MYO18A: variants seen among roughly 807,000 people sequenced by gnomAD.
The protein encoded by MYO18A is myosin XVIIIA, also known as unconventional myosin-XVIIIa.
A neutral mutation model predicts 235.8 loss-of-function variants in MYO18A; 78 were observed. That is an observed-to-expected ratio of 0.33 (90% CI 0.28 to 0.40). MYO18A has a LOEUF of 0.40. Among genes scored for constraint, MYO18A ranks in the 10% least tolerant of loss-of-function variants. MYO18A has a pLI of 1.00. For missense variants in MYO18A, 2,215 were observed against 2,699.3 expected, an observed-to-expected ratio of 0.82 and a Z score of 3.98; for synonymous variants, 977 against 1,077.8, an observed-to-expected ratio of 0.91 and a Z score of 1.83.
chr17:29,106,965 G>A lies in MYO18A; in HGVS notation c.3441+115C>T, dbSNP rs2066802358. 1 of 1,014,248 alleles carries A rather than the reference G, an allele frequency of 9.9e-7. No individual in the cohort carries two copies. The highest frequency in any genetic ancestry group is 2.5e-5 in the East Asian group (1 of 39,416). 62.8% of individuals were successfully genotyped at this position (1,014,248 alleles called of 1,614,324 possible). A position where few individuals can be genotyped will look rare whatever the true frequency, so the allele number is the denominator to read the frequency against. ...CAGCTGGGTGCTTCCAAAACTGGGA[G>A]CCTGAGCAGGGCCAGATGAGCTGTC... On this transcript the variant is annotated intron_variant, in intron 20 of 41. Transcript: ENST00000527372. The surrounding 1 kb of genome is among the most constrained non-coding windows in gnomAD (Gnocchi z 4.6).
chr17:29,109,188 G>T lies in MYO18A; in HGVS notation c.3331+670C>A, dbSNP rs1331584124. 3.3e-5 allele frequency among the ~76,000 whole-genome samples: 5 copies of T among 151,756 alleles called. No individual in the cohort carries two copies. The highest frequency in any genetic ancestry group is 9.7e-5 in the African/African-American group (4 of 41,308). ...AAAACAAAAAAAACCCACCCTACTT[G>T]AGAGACATGAGACATGACTCTACAG... On this transcript the variant is annotated intron_variant, in intron 19 of 41. Transcript: ENST00000527372. This position sits in a 1 kb window ranked among gnomAD's most constrained non-coding sequence, Gnocchi z 4.1.
At chr17:29,164,655 C>G (rs1405241931) in intron 2 of MYO18A, among the ~76,000 whole-genome samples, 1 of 152,198 alleles carries the variant, frequency 6.6e-6, no homozygotes, top group Non-Finnish European at 1.5e-5. Flanking sequence ...CTGGACGGTC[C>G]TAAAACCCAC....
intron 1 of MYO18A, among the ~76,000 whole-genome samples, chr17:29,173,098 C>CT (rs71135873): frequency 0.52 from 76,869 of 146,424 alleles, 20,359 homozygotes; most frequent in East Asian, 0.86. Context: ...TTTGCCGTTA[C>CT]TTTTTTTTTT....
intron 34 of MYO18A, 100 bp downstream of exon 34, chr17:29,092,243 C>T: frequency 2.4e-6 from 2 of 826,474 alleles, no homozygotes; most frequent in South Asian, 1.6e-5. Flanking sequence ...TGTCACAAGT[C>T]CTGACGTGGA....
In MYO18A at chr17:29,073,906, GAGC is replaced by G. The variant is rs752146566; in HGVS notation, c.*861_*863del. On this transcript the variant is annotated 3_prime_UTR_variant, in exon 42 of 42. Transcript: ENST00000527372. ...GTTTATGGTCCAGACCACCTGGACAGAGCAGGAGGGAGGCAGTGCTTGGATCAG... is the reference window on the plus strand; with the variant it reads ...GTTTATGGTCCAGACCACCTGGACAGAGGAGGGAGGCAGTGCTTGGATCAG... The G allele has an allele frequency of 6.8e-5, 110 of 1,613,574 alleles. No individual in the cohort carries two copies. Among genetic ancestry groups the G allele is most frequent in the Non-Finnish European group, 9.1e-5 (107 of 1,179,600 alleles).
At chr17:29,176,030 C>T (rs1232960863) in intron 1 of MYO18A, among the ~76,000 whole-genome samples, 1 of 152,130 alleles carries the variant, frequency 6.6e-6, no homozygotes. Context: ...TGCACTCCAG[C>T]CTGGGTGACA....
In MYO18A at chr17:29,121,221, G is replaced by A. The variant is rs2067191705; in HGVS notation, c.1372-10C>T. On this transcript the variant is annotated splice_polypyrimidine_tract_variant and intron_variant, in intron 5 of 41. Transcript: ENST00000527372. The surrounding 1 kb of genome is among the most constrained non-coding windows in gnomAD (Gnocchi z 4.2). ...TGAACATGTGCATCACCTTGGGCAG[G>A]AGAGCAAGGGAGAGAAGGGGTTGGC... is the stretch of plus-strand genomic sequence containing the variant. The A allele has an allele frequency of 6.3e-7, 1 of 1,591,790 alleles. No homozygotes were observed. The highest frequency in any genetic ancestry group is 1.3e-5 in the African/African-American group (1 of 74,516).
chr17:29,095,602 C>G (rs2066501034), intron 28 of MYO18A, among the ~76,000 whole-genome samples: 1 of 152,244 alleles, frequency 6.6e-6, no homozygotes, highest in South Asian at 2.1e-4. Context: ...GGCATTCCCA[C>G]TGTGCCCAGC....
rs1358014069 is a variant in MYO18A, at chr17:29,130,520, ACACACAC to A, written c.1000-8274_1000-8268del. ...CACACACACACACACACACACACAC[ACACACAC>A]AACCCTTTCAAATCACAGGCTGGCT... On this transcript the variant is annotated intron_variant, in intron 2 of 41. Coordinates refer to ENST00000527372, the MANE Select transcript of MYO18A (RefSeq NM_078471.4). 8.8e-5 allele frequency among the ~76,000 whole-genome samples: 11 copies of A among 124,386 alleles called. No individual in the cohort carries two copies. In the East Asian group the frequency reaches 1.5e-3, roughly 17 times the overall value. 81.6% of individuals were successfully genotyped at this position (124,386 alleles called of 152,430 possible).
chr17:29,093,316 C>T lies in MYO18A; in HGVS notation c.4926+7G>A, dbSNP rs763567682. ...GGCCAGGCTTGGTGGGTGGAGCATC[C>T]CCTGACCTGGTCGCTGAGGGTGGCG... On this transcript the variant is annotated splice_region_variant and intron_variant, in intron 32 of 41. Coordinates refer to ENST00000527372, the MANE Select transcript of MYO18A (RefSeq NM_078471.4). The T allele has an allele frequency of 1.1e-5, 18 of 1,608,310 alleles. No homozygotes were observed. In the African/African-American group the frequency reaches 1.3e-4, roughly 12 times the overall value.
In MYO18A at chr17:29,122,233, A is replaced by G; in HGVS notation, c.1020T>C (p.Ile340=). The G allele has an allele frequency of 6.2e-7, 1 of 1,613,262 alleles. No homozygotes were observed. Among genetic ancestry groups the G allele is most frequent in the South Asian group, 1.1e-5 (1 of 90,824 alleles). The change falls in exon 3 of 42, where the codon ATT becomes ATC. Residue 340 remains isoleucine (I), a synonymous_variant. Coordinates refer to ENST00000527372, the MANE Select transcript of MYO18A (RefSeq NM_078471.4). ...EPSDAKTEEQ[I]AAEEAWNETE... ...TCTCATTCCAGGCCTCTTCTGCTGC[A>G]ATCTGTTCTTCTGTTTTCGCCTGTC...
At chr17:29,163,076 T>C (rs571453746) in intron 2 of MYO18A, among the ~76,000 whole-genome samples, 36 of 152,342 alleles carry the variant, frequency 2.4e-4, no homozygotes, top group African/African-American at 7.9e-4. Flanking sequence ...GTGGACACAG[T>C]TGATGGATGG....
intron 2 of MYO18A, among the ~76,000 whole-genome samples, chr17:29,128,801 T>C (rs1300548022): frequency 1.3e-5 from 2 of 152,336 alleles, no homozygotes; most frequent in African/African-American, 4.8e-5. Flanking sequence ...ACCTGCTGTC[T>C]ATCCCCAGAC....
In MYO18A at chr17:29,097,606, G is replaced by C. The variant is rs187546211; in HGVS notation, c.4102+182C>G. On this transcript the variant is annotated intron_variant, in intron 26 of 41. Coordinates refer to ENST00000527372, the MANE Select transcript of MYO18A (RefSeq NM_078471.4). ...GGCCCTCAGTCTTTGTCATGATCAT[G>C]GTTGTTTCAGCTCTACCTAACAATC... 1.8e-3 allele frequency among the ~76,000 whole-genome samples: 277 copies of C among 152,352 alleles called. 1 individual carries two copies. Among genetic ancestry groups the C allele is most frequent in the African/African-American group, 5.9e-3 (246 of 41,584 alleles).
rs2066861062 is a variant in MYO18A, at chr17:29,108,945, C to T, written c.3331+913G>A. Reference sequence around the variant, plus strand: ...AATCTGGTTTTGAAATAATAAACACCAACTCCATATCAAGACGTGGGGACA... The same window carrying T: ...AATCTGGTTTTGAAATAATAAACACTAACTCCATATCAAGACGTGGGGACA... On this transcript the variant is annotated intron_variant, in intron 19 of 41. Transcript: ENST00000527372. 2.6e-5 allele frequency among the ~76,000 whole-genome samples: 4 copies of T among 152,102 alleles called. No homozygotes were observed. In the South Asian group the frequency reaches 8.3e-4, roughly 32 times the overall value.
At chr17:29,147,509 G>C (rs1336527037) in intron 2 of MYO18A, among the ~76,000 whole-genome samples, 2 of 149,994 alleles carry the variant, frequency 1.3e-5, no homozygotes, top group African/African-American at 4.9e-5. Context: ...GACAGAGTGA[G>C]AGACCCTGCC....
chr17:29,165,969 G>A lies in MYO18A; in HGVS notation c.972C>T (p.Gly324=). Residue 324 remains glycine (G), a synonymous_variant, in exon 2 of 42, where the codon GGC becomes GGT. Transcript: ENST00000527372. ...CGGATGGCTCCCTGCGAGGTCCCTCGCCGCTCCGCAGCCAGCTCCTGCTGA... is the reference window on the plus strand; with the variant it reads ...CGGATGGCTCCCTGCGAGGTCCCTCACCGCTCCGCAGCCAGCTCCTGCTGA... ...SELSRSWLRS[G]EGPRREPSDA... 3 of 1,613,228 alleles carry A rather than the reference G, an allele frequency of 1.9e-6. No homozygotes were observed. The highest frequency in any genetic ancestry group is 1.1e-5 in the South Asian group (1 of 91,070).
At chr17:29,114,821 T>TGATGCCTTCTGCATCCACA in intron 14 of MYO18A, 86 bp downstream of exon 14, 1 of 1,368,960 alleles carries the variant, frequency 7.3e-7, no homozygotes, top group South Asian at 1.4e-5. Context: ...GAGAGTAAGG[T>TGATGCCTTCTGCATCCACA]GATGCCTTCT....
At chr17:29,089,346 G>A (rs1258236800) in intron 37 of MYO18A, among the ~76,000 whole-genome samples, 14 of 148,744 alleles carry the variant, frequency 9.4e-5, no homozygotes, top group Non-Finnish European at 1.6e-4. Flanking sequence ...GCTTGAACCC[G>A]GGAGGTGGAG....
Sources: allele counts gnomAD v4.1 joint callset (sites outside exome capture counted in the v4.1 genomes callset), GRCh38; gene constraint gnomAD v4.1.1; non-coding constraint Gnocchi (gnomAD v3.1); transcripts MANE v1.5; gene names NCBI Gene and HGNC (gene_info 2026-07-23, HGNC 2026-07-21).